PDK1: variants seen among roughly 807,000 people sequenced by gnomAD.
PDK1 encodes [Pyruvate dehydrogenase (acetyl-transferring)] kinase isozyme 1, mitochondrial.
Under a neutral mutation model 54.2 loss-of-function variants are expected in PDK1, and 39 were observed. That is an observed-to-expected ratio of 0.72 (90% confidence interval 0.56 to 0.94). The LOEUF (loss-of-function observed/expected upper bound fraction) is 0.94. Among genes scored for constraint, PDK1 ranks in the 40% least tolerant of loss-of-function variants. PDK1 has a pLI of 0.00. For synonymous variants in PDK1, 221 were observed against 207.1 expected (o/e 1.07, Z -0.58); for missense variants, 552 against 566.0 (o/e 0.98, Z 0.25).
chr2:172,607,478 C>T lies in PDK1; in HGVS notation c.*11509C>T, dbSNP rs1009900659. The T allele has an allele frequency of 6.6e-6, 1 of 152,200 alleles. No individual in the cohort carries two copies. Among genetic ancestry groups the T allele is most frequent in the Non-Finnish European group, 1.5e-5 (1 of 68,042 alleles). The allele number at this position is 152,200 out of a possible 1,614,324, so 9.4% of individuals were successfully genotyped here. On this transcript the variant is annotated 3_prime_UTR_variant, in exon 11 of 11. Transcript: ENST00000282077. Reference sequence around the variant, plus strand: ...TCCAGTTGTTTTGCCACTCCAGGGCCTGACTCAAACCAAAATAAGACTTGC... The same window carrying T: ...TCCAGTTGTTTTGCCACTCCAGGGCTTGACTCAAACCAAAATAAGACTTGC...
chr2:172,654,927 G>T, the PDK1 span, among the ~76,000 whole-genome samples: 5 of 152,140 alleles, frequency 3.3e-5, no homozygotes, highest in African/African-American at 2.4e-5. Flanking sequence ...ACGAAAGCCT[G>T]TGAGCTGCAG....
At chr2:172,622,497 CATATATTATGTGAGATATGTTTATATCAT>C in the PDK1 span, among the ~76,000 whole-genome samples, 4 of 137,586 alleles carry the variant, frequency 2.9e-5, no homozygotes, top group Admixed American at 7.5e-5. Flanking sequence ...GTTTATATCT[CATATATTATGTGAGATATGTTTATATCAT>C]ATATTATGTG....
At chr2:172,611,054 T>C (rs1691445062), downstream of PDK1, among the ~76,000 whole-genome samples, 1 of 152,240 alleles carries the variant, frequency 6.6e-6, no homozygotes, top group African/African-American at 2.4e-5. Flanking sequence ...AAGTGAAATA[T>C]TTGTGTGGAT....
the PDK1 span, among the ~76,000 whole-genome samples, chr2:172,707,334 C>A: frequency 6.6e-6 from 1 of 152,120 alleles, no homozygotes; most frequent in Non-Finnish European, 1.5e-5. Context: ...AGTCTAGGCT[C>A]CCCAGCAGAC....
chr2:172,560,546 A>G (rs1688602175), intron 2 of PDK1, among the ~76,000 whole-genome samples: 1 of 152,206 alleles, frequency 6.6e-6, no homozygotes, highest in African/African-American at 2.4e-5. Flanking sequence ...TTGATAGTGG[A>G]GTTGGGATTC....
chr2:172,625,700 T>G, the PDK1 span, among the ~76,000 whole-genome samples: 1 of 152,202 alleles, frequency 6.6e-6, no homozygotes, highest in African/African-American at 2.4e-5. Flanking sequence ...TTTGTTTTAA[T>G]GGAGCACTTA....
chr2:172,715,605 C>T, the PDK1 span, among the ~76,000 whole-genome samples: 1 of 152,172 alleles, frequency 6.6e-6, no homozygotes, highest in Non-Finnish European at 1.5e-5. Flanking sequence ...CTGCCCGCCT[C>T]ATGGGAATGC....
the PDK1 span, among the ~76,000 whole-genome samples, chr2:172,685,109 G>A: frequency 9.8e-3 from 1,497 of 152,262 alleles, 9 homozygotes; most frequent in Non-Finnish European, 0.016. Flanking sequence ...AGTTTCCCAA[G>A]GCCTCCCCTG....
At position 172,604,505 on chromosome 2, in the gene PDK1, C is replaced by T. The variant is rs183802990; in HGVS notation, c.*8536C>T. The T allele has an allele frequency of 5.9e-5, 9 of 152,012 alleles. No individual in the cohort carries two copies. In the East Asian group the frequency reaches 9.7e-4, roughly 16 times the overall value. The allele number at this position is 152,012 out of a possible 1,614,324, so 9.4% of individuals were successfully genotyped here. The stretch of plus-strand genomic sequence containing the variant: ...TAACTTACAAATTTTTTTAAAAAAA[C>T]GTTTTTCCTCTCCAATGTTCATTGC... On this transcript the variant is annotated 3_prime_UTR_variant, in exon 11 of 11. Transcript: ENST00000282077.
rs1305637703 is a variant in PDK1, at chr2:172,598,241, T to C, written c.*2272T>C. 1 of 152,246 alleles carries C rather than the reference T, an allele frequency of 6.6e-6. No homozygotes were observed. The highest frequency in any genetic ancestry group is 2.4e-5 in the African/African-American group (1 of 41,462). 9.4% of individuals were successfully genotyped at this position (152,246 alleles called of 1,614,324 possible). A position where few individuals can be genotyped will look rare whatever the true frequency, so the allele number is the denominator to read the frequency against. On this transcript the variant is annotated 3_prime_UTR_variant, in exon 11 of 11. Coordinates refer to ENST00000282077, the MANE Select transcript of PDK1 (RefSeq NM_002610.5). ...GTACAACATTTGATGTTTTTACTTA[T>C]GAAATATTCTCCTCCCCCAAGAAAA... is the stretch of plus-strand genomic sequence containing the variant.
the PDK1 span, among the ~76,000 whole-genome samples, chr2:172,665,263 C>T: frequency 6.6e-6 from 1 of 152,076 alleles, no homozygotes; most frequent in African/African-American, 2.4e-5. Context: ...TCCTGAAGTC[C>T]ATGCTCTGAT....
downstream of PDK1, among the ~76,000 whole-genome samples, chr2:172,612,978 A>G (rs994561058): frequency 1.3e-5 from 2 of 152,172 alleles, no homozygotes. Flanking sequence ...GTTTTAATTA[A>G]AGCCTTTGCT....
intron 10 of PDK1, among the ~76,000 whole-genome samples, 158 bp downstream of exon 10, chr2:172,593,206 C>T (rs1203807608): frequency 6.6e-6 from 1 of 151,934 alleles, no homozygotes; most frequent in Non-Finnish European, 1.5e-5. Flanking sequence ...TAGATGATCC[C>T]CTAAAACTAT....
the PDK1 span, among the ~76,000 whole-genome samples, chr2:172,688,968 C>A: frequency 6.6e-6 from 1 of 151,890 alleles, no homozygotes; most frequent in African/African-American, 2.4e-5. Context: ...TTAAAGGTGG[C>A]CCGGACCCAA....
chr2:172,696,771 A>T, the PDK1 span, among the ~76,000 whole-genome samples: 1 of 152,172 alleles, frequency 6.6e-6, no homozygotes, highest in South Asian at 2.1e-4. Context: ...ATCTTTTATA[A>T]GGAATCCTAT....
the PDK1 span, among the ~76,000 whole-genome samples, chr2:172,692,845 G>A: frequency 3.3e-5 from 5 of 152,190 alleles, no homozygotes; most frequent in Admixed American, 1.3e-4. Context: ...TGGTTCACCT[G>A]GGGATAATCA....
At chr2:172,649,767 G>A in the PDK1 span, among the ~76,000 whole-genome samples, 1 of 152,146 alleles carries the variant, frequency 6.6e-6, no homozygotes. Context: ...ATGAAATGAA[G>A]CGAGAACAGA....
rs554324528 is a variant in PDK1, at chr2:172,571,717, A to T, written c.945+893A>T. The stretch of plus-strand genomic sequence containing the variant: ...TGTTTTTCTTTTTTAATAATCATTT[A>T]AAAATTTATATTAAAGTAATAAATG... On this transcript the variant is annotated intron_variant, in intron 8 of 10. Transcript: ENST00000282077. Among the ~76,000 whole-genome samples, 26 of 152,092 alleles carry T rather than the reference A, an allele frequency of 1.7e-4. No homozygotes were observed. The East Asian group carries it at 5.0e-3, about 29-fold the overall frequency.
At chr2:172,637,772 T>A in the PDK1 span, among the ~76,000 whole-genome samples, 52 of 152,310 alleles carry the variant, frequency 3.4e-4, 1 homozygote, top group African/African-American at 1.0e-3. Flanking sequence ...CTTGGCTCAC[T>A]GCAACCTCCA....
Sources: allele counts gnomAD v4.1 joint callset (sites outside exome capture counted in the v4.1 genomes callset), GRCh38; gene constraint gnomAD v4.1.1; transcripts MANE v1.5; gene names NCBI Gene and HGNC (gene_info 2026-07-23, HGNC 2026-07-21).